The following SPATA3 variants were observed in gnomAD, a reference collection of about 807,000 sequenced individuals.
The protein encoded by SPATA3 is spermatogenesis associated 3.
SPATA3 carries 6 observed loss-of-function variants against 5.7 expected under a neutral mutation model. The ratio of observed to expected loss-of-function variants is 1.06; its 90% CI spans 0.58 to 2.09. SPATA3 has a LOEUF of 2.09. Among genes scored for constraint, SPATA3 ranks in the 30% most tolerant of loss-of-function variants. SPATA3 has a pLI of 0.00. For synonymous variants in SPATA3, 44 were observed against 48.4 expected (o/e 0.91, Z 0.37); for missense variants, 155 against 130.4 (o/e 1.19, Z -0.92).
At chr2:231,005,142 CCACCATCACCAT>C (rs1254871706), downstream of SPATA3, among the ~76,000 whole-genome samples, 3 of 33,888 alleles carry the variant, frequency 8.9e-5, no homozygotes, top group Non-Finnish European at 1.5e-4. Context: ...ATCACCACCA[CCACCATCACCAT>C]CACCATCACC....
downstream of SPATA3, among the ~76,000 whole-genome samples, chr2:231,009,682 G>A (rs139319815): frequency 1.3e-5 from 2 of 152,298 alleles, no homozygotes; most frequent in Non-Finnish European, 2.9e-5. Flanking sequence ...ACCACATGCC[G>A]GAGTCCCTGT....
At chr2:231,012,193 G>T (rs1366622399), downstream of SPATA3, among the ~76,000 whole-genome samples, 1 of 152,202 alleles carries the variant, frequency 6.6e-6, no homozygotes, top group African/African-American at 2.4e-5. Flanking sequence ...AGAGATCCAG[G>T]CTCAGACTCC....
chr2:231,017,369 C>T (rs560398103), intron 6 of SPATA3, among the ~76,000 whole-genome samples: 4 of 152,370 alleles, frequency 2.6e-5, no homozygotes, highest in South Asian at 2.1e-4. Flanking sequence ...GAGCCAAAAG[C>T]ACCCACGGGT....
downstream of SPATA3, among the ~76,000 whole-genome samples, chr2:231,012,068 G>GCTGGAGGTGCCTGTTTGTTGGGAGT (rs1692802642): frequency 6.6e-6 from 1 of 152,242 alleles, no homozygotes; most frequent in Non-Finnish European, 1.5e-5. Flanking sequence ...GGACAGAGGA[G>GCTGGAGGTGCCTGTTTGTTGGGAGT]CTGGAGGTGC....
chr2:231,001,357 C>G (rs928336447), intron 2 of SPATA3, among the ~76,000 whole-genome samples: 5 of 152,178 alleles, frequency 3.3e-5, no homozygotes, highest in Non-Finnish European at 5.9e-5. Flanking sequence ...GGCCCTTCCA[C>G]TTGGCGACCT....
At chr2:231,001,403 C>T (rs974958350) in intron 2 of SPATA3, among the ~76,000 whole-genome samples, 11 of 152,182 alleles carry the variant, frequency 7.2e-5, no homozygotes, top group African/African-American at 2.7e-4. Context: ...CCCCCCAACC[C>T]CCATCCTTGT....
chr2:231,011,957 C>T (rs935622466), downstream of SPATA3, among the ~76,000 whole-genome samples: 2 of 152,192 alleles, frequency 1.3e-5, no homozygotes, highest in South Asian at 2.1e-4. Context: ...CACAGGGGGT[C>T]GAAGCAGAGA....
intron 1 of SPATA3, 68 bp downstream of exon 1, chr2:230,996,602 C>A: frequency 6.6e-7 from 1 of 1,513,514 alleles, no homozygotes; most frequent in Non-Finnish European, 8.9e-7. Context: ...ATCCCAAAGG[C>A]TGGTTCTTGT....
intron 1 of SPATA3, among the ~76,000 whole-genome samples, chr2:230,997,946 T>C (rs567811051): frequency 6.5e-4 from 99 of 152,222 alleles, no homozygotes; most frequent in Non-Finnish European, 1.2e-3. Flanking sequence ...CTGAGGCTCA[T>C]AGGAGTCAAA....
At chr2:231,011,848 C>T (rs1431685102), downstream of SPATA3, among the ~76,000 whole-genome samples, 1 of 152,222 alleles carries the variant, frequency 6.6e-6, no homozygotes, top group Non-Finnish European at 1.5e-5. Context: ...CTATTACAGG[C>T]TCTGGCTTCG....
chr2:231,009,044 T>C (rs1299739152), downstream of SPATA3, among the ~76,000 whole-genome samples: 1 of 152,184 alleles, frequency 6.6e-6, no homozygotes, highest in Non-Finnish European at 1.5e-5. Flanking sequence ...AGGGGGCTGA[T>C]TGGCCAGGCT....
intron 6 of SPATA3, among the ~76,000 whole-genome samples, chr2:231,019,052 C>T (rs576842785): frequency 2.7e-5 from 4 of 149,738 alleles, no homozygotes; most frequent in Non-Finnish European, 5.9e-5. Flanking sequence ...CTGCAAGCTC[C>T]GCCTCCCAGG....
downstream of SPATA3, among the ~76,000 whole-genome samples, chr2:231,007,600 C>A (rs550157494): frequency 7.2e-5 from 11 of 152,354 alleles, no homozygotes; most frequent in East Asian, 1.5e-3. Context: ...GAGGAATGTG[C>A]CGGTTCGCCT....
chr2:231,001,650 C>T (rs915561432), intron 2 of SPATA3, among the ~76,000 whole-genome samples: 1 of 152,214 alleles, frequency 6.6e-6, no homozygotes, highest in South Asian at 2.1e-4. Flanking sequence ...ATGGCCAAAT[C>T]GTGCCATGGG....
downstream of SPATA3, among the ~76,000 whole-genome samples, chr2:231,005,525 A>G (rs1429500482): frequency 3.1e-5 from 2 of 63,530 alleles, no homozygotes. Context: ...CATCACCACC[A>G]CCACCATCAT....
rs374165740 is a variant in SPATA3 at position 230,996,211 on chromosome 2, C to T, written c.791-4155C>T. ...GATTACGCAGCTCCATGTAGGTCCA[C>T]GTTTAGGTTGGGAGGATCTACCATG... On this transcript the variant is annotated intron_variant, in intron 1 of 2. It adds an upstream start codon to the 5' untranslated region. Coordinates refer to ENST00000645363, the Ensembl canonical transcript of SPATA3. The T allele has an allele frequency of 6.7e-4, 1,026 of 1,541,878 alleles. 8 individuals are homozygous for T. In the Middle Eastern group the frequency reaches 0.012, roughly 18 times the overall value.
downstream of SPATA3, among the ~76,000 whole-genome samples, chr2:231,010,579 T>C (rs1417568565): frequency 2.6e-5 from 4 of 152,242 alleles, no homozygotes; most frequent in Non-Finnish European, 2.9e-5. Flanking sequence ...CTTGTTTCTA[T>C]GGCATCTTGG....
exon 5 of SPATA3, chr2:231,012,648 C>T (rs1692818023): frequency 6.6e-6 from 1 of 152,080 alleles, no homozygotes; most frequent in South Asian, 2.1e-4. Flanking sequence ...ACAGAAGATT[C>T]CCAAGGCTGC....
At chr2:231,011,197 C>T (rs1392170737), downstream of SPATA3, among the ~76,000 whole-genome samples, 5 of 152,096 alleles carry the variant, frequency 3.3e-5, no homozygotes, top group East Asian at 7.7e-4. Flanking sequence ...TCACTGCAAC[C>T]TCCACCTCCC....
Sources: gnomAD v4.1 joint callset for allele counts (sites outside exome capture counted in the v4.1 genomes callset) on GRCh38, gnomAD v4.1.1 for gene constraint, MANE v1.5 for transcripts, NCBI Gene and HGNC (gene_info 2026-07-23, HGNC 2026-07-21) for gene names.